The following GALNT13 variants were observed in gnomAD, a reference collection of about 807,000 sequenced individuals.
GALNT13 encodes the protein UDP-GalNAc:polypeptide N-acetylgalactosaminyltransferase 13.
In GALNT13, 28 loss-of-function variants were observed where a neutral mutation model predicts 64.2. The ratio of observed to expected loss-of-function variants is 0.44; its 90% CI spans 0.32 to 0.60. GALNT13 has a LOEUF of 0.60. GALNT13 is among the 20% of genes least tolerant of loss of function. The probability of loss-of-function intolerance (pLI) is 0.05; values close to 1 mark genes in which losing one functional copy is unlikely to be tolerated. For missense variants in GALNT13, 577 were observed against 669.8 expected, an observed-to-expected ratio of 0.86 and a Z score of 1.53; for synonymous variants, 214 against 224.6, an observed-to-expected ratio of 0.95 and a Z score of 0.42.
At chr2:153,837,194 G>T in the GALNT13 span, among the ~76,000 whole-genome samples, 2 of 151,976 alleles carry the variant, frequency 1.3e-5, no homozygotes, top group Admixed American at 1.3e-4. Flanking sequence ...TTTAATGATT[G>T]CCATTCTAAC....
chr2:154,434,916 T>C (rs1700881044), intron 11 of GALNT13, among the ~76,000 whole-genome samples: 1 of 152,206 alleles, frequency 6.6e-6, no homozygotes, highest in South Asian at 2.1e-4. Context: ...ATGTAATATA[T>C]ACGAAGCATA....
chr2:153,899,020 A>G (rs1350054322), intron 1 of GALNT13, among the ~76,000 whole-genome samples: 1 of 152,214 alleles, frequency 6.6e-6, no homozygotes, highest in East Asian at 1.9e-4. Context: ...GTCTAGCCTT[A>G]TAAAAATCTT....
the GALNT13 span, among the ~76,000 whole-genome samples, chr2:153,542,675 A>G: frequency 6.6e-6 from 1 of 152,170 alleles, no homozygotes; most frequent in Non-Finnish European, 1.5e-5. Context: ...AGGATGGGGG[A>G]TTCTGGCTAA....
At chr2:153,964,231 T>C (rs902079204) in intron 3 of GALNT13, among the ~76,000 whole-genome samples, 2 of 152,124 alleles carry the variant, frequency 1.3e-5, no homozygotes, top group East Asian at 1.9e-4. Context: ...AGGGAATTGA[T>C]TGAGCTCAGG....
chr2:153,874,149 C>A (rs1323291377), intron 1 of GALNT13, among the ~76,000 whole-genome samples: 4 of 140,514 alleles, frequency 2.8e-5, no homozygotes, highest in East Asian at 4.3e-4. Context: ...AGAATAAGAA[C>A]CTTCATATTG....
At chr2:153,172,604 C>T in the GALNT13 span, among the ~76,000 whole-genome samples, 2 of 152,104 alleles carry the variant, frequency 1.3e-5, no homozygotes. Context: ...CAACAATGCC[C>T]TGCCATCCTT....
the GALNT13 span, among the ~76,000 whole-genome samples, chr2:153,442,229 G>C: frequency 1.3e-5 from 2 of 152,150 alleles, no homozygotes; most frequent in Non-Finnish European, 2.9e-5. Context: ...CATTGGTTCT[G>C]TTTATGTAAT....
chr2:154,260,678 A>AT (rs2105904213), intron 8 of GALNT13, among the ~76,000 whole-genome samples: 1 of 152,300 alleles, frequency 6.6e-6, no homozygotes, highest in African/African-American at 2.4e-5. Context: ...AGAACCCAAA[A>AT]TTATTACCTG....
At chr2:154,379,743 A>C (rs1034159923) in intron 9 of GALNT13, among the ~76,000 whole-genome samples, 1 of 152,068 alleles carries the variant, frequency 6.6e-6, no homozygotes, top group African/African-American at 2.4e-5. Context: ...AAAATTTACA[A>C]TGAATTCTGC....
chr2:153,633,083 A>T, the GALNT13 span, among the ~76,000 whole-genome samples: 1 of 152,158 alleles, frequency 6.6e-6, no homozygotes, highest in Non-Finnish European at 1.5e-5. Context: ...ATATTAATAA[A>T]TAATATTTCG....
At chr2:153,449,588 A>G in the GALNT13 span, 1 of 152,354 alleles carries the variant, frequency 6.6e-6, no homozygotes, top group Non-Finnish European at 1.5e-5. Flanking sequence ...TGCGTTATCT[A>G]TTGTCTTAGT....
At chr2:153,810,117 C>A in the GALNT13 span, among the ~76,000 whole-genome samples, 2 of 152,168 alleles carry the variant, frequency 1.3e-5, no homozygotes, top group East Asian at 3.9e-4. Context: ...CCCGCCACCA[C>A]GCCCAGCTAA....
chr2:153,463,805 G>A, the GALNT13 span, among the ~76,000 whole-genome samples: 7,847 of 152,058 alleles, frequency 0.052, 651 homozygotes, highest in African/African-American at 0.17. Flanking sequence ...AAGAGCATGC[G>A]CTGTAATAGT....
chr2:154,142,254 A>G (rs1163879202), intron 4 of GALNT13, among the ~76,000 whole-genome samples: 1 of 152,128 alleles, frequency 6.6e-6, no homozygotes, highest in African/African-American at 2.4e-5. Context: ...TACTTCATAT[A>G]ATATGAAAAC....
At chr2:153,344,202 AGTATAGATACATATT>A in the GALNT13 span, among the ~76,000 whole-genome samples, 1 of 152,192 alleles carries the variant, frequency 6.6e-6, no homozygotes, top group African/African-American at 2.4e-5. Context: ...CCCTCATTAG[AGTATAGATACATATT>A]GTAGATTAGA....
the GALNT13 span, among the ~76,000 whole-genome samples, chr2:153,289,397 C>T: frequency 6.6e-6 from 1 of 152,120 alleles, no homozygotes; most frequent in East Asian, 1.9e-4. Flanking sequence ...ATAATTTAAG[C>T]TTCACTGCAC....
At chr2:153,439,674 A>T in the GALNT13 span, among the ~76,000 whole-genome samples, 2 of 152,300 alleles carry the variant, frequency 1.3e-5, no homozygotes, top group East Asian at 3.9e-4. Context: ...GGAAAAGCAT[A>T]GTATTAGGGT....
the GALNT13 span, among the ~76,000 whole-genome samples, chr2:153,127,996 A>G: frequency 6.6e-6 from 1 of 152,186 alleles, no homozygotes; most frequent in Non-Finnish European, 1.5e-5. Flanking sequence ...TCACTTACAG[A>G]TGAGGGGAGT....
At chr2:154,315,776 C>T (rs373382991) in intron 9 of GALNT13, among the ~76,000 whole-genome samples, 12 of 152,284 alleles carry the variant, frequency 7.9e-5, no homozygotes, top group Non-Finnish European at 1.6e-4. Context: ...TTCAGTTCAG[C>T]AAGTGAATTG....
Sources: allele counts gnomAD v4.1 joint callset (sites outside exome capture counted in the v4.1 genomes callset), GRCh38; gene constraint gnomAD v4.1.1; transcripts MANE v1.5; gene names NCBI Gene and HGNC (gene_info 2026-07-23, HGNC 2026-07-21).